Variants in SCML2 observed in about 807,000 individuals in gnomAD.
The protein encoded by SCML2 is sex comb on midleg-like protein 2.
A neutral mutation model predicts 48.4 loss-of-function variants in SCML2; 6 were observed. The ratio of observed to expected loss-of-function variants is 0.12; its 90% CI spans 0.07 to 0.24. SCML2 has a LOEUF of 0.24. SCML2 is among the 10% of genes least tolerant of loss of function. The pLI is 1.00. For synonymous variants in SCML2, 181 were observed against 189.5 expected (o/e 0.95, Z 0.37); for missense variants, 377 against 528.2 (o/e 0.71, Z 2.81).
chrX:18,271,861 A>C (rs1430540504), intron 7 of SCML2, among the ~76,000 whole-genome samples: 2 of 110,906 alleles, frequency 1.8e-5, no homozygotes, highest in African/African-American at 3.3e-5. Flanking sequence ...GGAAGCCTAG[A>C]GTTCATATAC....
intron 7 of SCML2, among the ~76,000 whole-genome samples, chrX:18,304,144 A>G (rs1455731005): frequency 9.0e-6 from 1 of 111,502 alleles, no homozygotes; most frequent in Non-Finnish European, 1.9e-5. Flanking sequence ...GGTTCAAGCT[A>G]TTCTCCTGCC....
intron 3 of SCML2, among the ~76,000 whole-genome samples, chrX:18,326,824 AATGTACATGGTACTAG>A (rs1204700319): frequency 3.6e-5 from 4 of 111,633 alleles, no homozygotes; most frequent in Non-Finnish European, 5.6e-5. Flanking sequence ...CGGGAAAAGT[AATGTACATGGTACTAG>A]ATATGTTGAG....
At chrX:18,323,053 C>T (rs1228112139) in intron 5 of SCML2, among the ~76,000 whole-genome samples, 2 of 110,504 alleles carry the variant, frequency 1.8e-5, no homozygotes, top group African/African-American at 6.6e-5. Flanking sequence ...AATAGGAAAA[C>T]AAAAAAATCC....
At chrX:18,259,674 T>C (rs996749165) in intron 9 of SCML2, among the ~76,000 whole-genome samples, 1 of 112,163 alleles carries the variant, frequency 8.9e-6, no homozygotes, top group African/African-American at 3.2e-5. Flanking sequence ...AAATGAGATA[T>C]GTTACAACAA....
At chrX:18,338,373 G>A (rs1166883279) in intron 1 of SCML2, among the ~76,000 whole-genome samples, 3 of 107,096 alleles carry the variant, frequency 2.8e-5, no homozygotes, top group African/African-American at 1.0e-4. Context: ...GAACCTGGGA[G>A]GCACAGGCTT....
At chrX:18,329,579 A>G (rs755661667) in intron 3 of SCML2, among the ~76,000 whole-genome samples, 14 of 112,705 alleles carry the variant, frequency 1.2e-4, no homozygotes, top group African/African-American at 4.5e-4. Flanking sequence ...AAGCCAATGC[A>G]TCAGATTCTA....
chrX:18,265,784 A>G lies in SCML2; in HGVS notation c.749T>C (p.Ile250Thr). ...GGAAGGAGAAGACTCTGTTTTTGCT[A>G]TATTCTTTACAATAGGAACTGAGGA... The part of the protein sequence containing the change: ...PGTSVPIVKN[I>T]AKTESSPSEA... Residue 250 changes from isoleucine (I) to threonine (T), a missense_variant, in exon 8 of 15, where the codon ATA (isoleucine) becomes ACA (threonine). Coordinates refer to ENST00000251900, the MANE Select transcript of SCML2 (RefSeq NM_006089.3). 3.3e-6 allele frequency: 4 copies of G among 1,205,309 alleles called. No homozygotes were observed. The highest frequency in any genetic ancestry group is 4.5e-6 in the Non-Finnish European group (4 of 890,523).
intron 1 of SCML2, among the ~76,000 whole-genome samples, chrX:18,346,770 G>T (rs1209667768): frequency 1.8e-5 from 2 of 111,438 alleles, no homozygotes; most frequent in Non-Finnish European, 3.8e-5. Flanking sequence ...TTATTATTTT[G>T]TTTCAAGAAG....
At chrX:18,319,369 A>G (rs1929232105) in intron 6 of SCML2, among the ~76,000 whole-genome samples, 1 of 108,175 alleles carries the variant, frequency 9.2e-6, no homozygotes, top group Admixed American at 9.7e-5. Flanking sequence ...AGCAAAACTC[A>G]GTCTCAAAAA....
chrX:18,275,232 A>G (rs1927589827), intron 7 of SCML2, among the ~76,000 whole-genome samples: 1 of 112,542 alleles, frequency 8.9e-6, no homozygotes, highest in South Asian at 3.7e-4. Context: ...TATTCGGCTC[A>G]GAATAAACCT....
At chrX:18,349,728 T>C (rs986337582) in intron 1 of SCML2, among the ~76,000 whole-genome samples, 1 of 109,182 alleles carries the variant, frequency 9.2e-6, no homozygotes, top group African/African-American at 3.3e-5. Flanking sequence ...ACCTCGGAGG[T>C]GGGGGTTGCA....
chrX:18,311,392 G>A (rs927398513), intron 6 of SCML2, among the ~76,000 whole-genome samples: 3 of 100,742 alleles, frequency 3.0e-5, no homozygotes, highest in Admixed American at 1.0e-4. Flanking sequence ...AATGATAAAT[G>A]CTATGCAGAG....
intron 1 of SCML2, among the ~76,000 whole-genome samples, chrX:18,348,943 CAAGCACTT>C (rs1930286357): frequency 9.0e-6 from 1 of 111,720 alleles, no homozygotes; most frequent in Non-Finnish European, 1.9e-5. Context: ...CCAAAAAAAA[CAAGCACTT>C]TGTCAATACA....
chrX:18,267,590 G>T (rs1479572516), intron 7 of SCML2, among the ~76,000 whole-genome samples: 4 of 100,547 alleles, frequency 4.0e-5, no homozygotes, highest in South Asian at 8.8e-4. Flanking sequence ...TTTTGTTTGG[G>T]TTTTTTTTTT....
chrX:18,329,456 A>G (rs1929585698), intron 3 of SCML2, among the ~76,000 whole-genome samples: 2 of 112,271 alleles, frequency 1.8e-5, no homozygotes, highest in African/African-American at 6.5e-5. Context: ...GGGCAGATAC[A>G]ACAGAAACAC....
intron 6 of SCML2, among the ~76,000 whole-genome samples, chrX:18,316,314 G>A (rs369744937): frequency 2.7e-4 from 30 of 111,909 alleles, no homozygotes; most frequent in African/African-American, 8.8e-4. Context: ...AGTTGAACCC[G>A]GGAGGCGGAG....
intron 8 of SCML2, among the ~76,000 whole-genome samples, chrX:18,262,873 A>G (rs1445332225): frequency 9.6e-6 from 1 of 104,485 alleles, no homozygotes; most frequent in African/African-American, 3.7e-5. Context: ...GTGCCACTGC[A>G]CCCAGCTAAT....
At chrX:18,343,460 C>T (rs1398074768) in intron 1 of SCML2, among the ~76,000 whole-genome samples, 1 of 110,627 alleles carries the variant, frequency 9.0e-6, no homozygotes, top group Non-Finnish European at 1.9e-5. Flanking sequence ...CCTGAGAGAA[C>T]ATAAGAATCA....
chrX:18,298,118 A>T (rs901941950), intron 7 of SCML2, among the ~76,000 whole-genome samples: 36 of 112,171 alleles, frequency 3.2e-4, no homozygotes, highest in African/African-American at 1.0e-3. Flanking sequence ...AAAACTAATG[A>T]GGACATGAAC....
Sources: allele counts gnomAD v4.1 joint callset (sites outside exome capture counted in the v4.1 genomes callset), GRCh38; gene constraint gnomAD v4.1.1; transcripts MANE v1.5; gene names NCBI Gene and HGNC (gene_info 2026-07-23, HGNC 2026-07-21).